FOXP2: variants seen among roughly 807,000 people sequenced by gnomAD.
The protein encoded by FOXP2 is forkhead box P2, also known as forkhead box protein P2.
In FOXP2, 12 loss-of-function variants were observed where a neutral mutation model predicts 115.8. The ratio of observed to expected loss-of-function variants is 0.10; its 90% CI spans 0.07 to 0.17. FOXP2 has a LOEUF of 0.17. Among genes scored for constraint, FOXP2 ranks in the 10% least tolerant of loss-of-function variants. FOXP2 has a pLI of 1.00. For synonymous variants in FOXP2, 328 were observed against 297.7 expected (o/e 1.10, Z -1.05); for missense variants, 629 against 843.5 (o/e 0.75, Z 3.15).
At chr7:114,165,350 C>T (rs1303400318) in intron 1 of FOXP2, among the ~76,000 whole-genome samples, 1 of 152,148 alleles carries the variant, frequency 6.6e-6, no homozygotes, top group Non-Finnish European at 1.5e-5. Flanking sequence ...TCTTCACTTG[C>T]AAATGCCATG....
intron 3 of FOXP2, among the ~76,000 whole-genome samples, chr7:114,572,723 C>A (rs992358864): frequency 2.4e-4 from 37 of 151,906 alleles, no homozygotes; most frequent in African/African-American, 8.7e-4. Context: ...TGCTCTTTAT[C>A]TAAAACTACT....
chr7:114,574,596 C>T (rs977030996), intron 3 of FOXP2, among the ~76,000 whole-genome samples: 5 of 151,800 alleles, frequency 3.3e-5, no homozygotes, highest in Admixed American at 3.3e-4. Context: ...ATTCACTACT[C>T]TCTAACTATA....
At chr7:114,267,978 C>T (rs1795939153) in intron 1 of FOXP2, among the ~76,000 whole-genome samples, 1 of 151,916 alleles carries the variant, frequency 6.6e-6, no homozygotes, top group Non-Finnish European at 1.5e-5. Flanking sequence ...TCTCTCAAGT[C>T]CCTAAAAACC....
At chr7:114,622,902 A>G (rs2129324269) in intron 3 of FOXP2, among the ~76,000 whole-genome samples, 1 of 152,076 alleles carries the variant, frequency 6.6e-6, no homozygotes, top group East Asian at 1.9e-4. Context: ...AAAGATCTTA[A>G]TTCTAGGGAA....
intron 8 of FOXP2, among the ~76,000 whole-genome samples, chr7:114,651,459 G>A (rs1212271687): frequency 1.3e-5 from 2 of 152,010 alleles, no homozygotes; most frequent in Non-Finnish European, 2.9e-5. Context: ...TACTTTTGGT[G>A]TATTAACATA....
chr7:114,192,169 T>TGGACTACAGGCATGCACCACCACACCC (rs1554429049), intron 1 of FOXP2, among the ~76,000 whole-genome samples: 193 of 152,188 alleles, frequency 1.3e-3, no homozygotes, highest in Non-Finnish European at 1.5e-3. Flanking sequence ...GTATTTGTAG[T>TGGACTACAGGCATGCACCACCACACCC]AGAGACGGGG....
At chr7:114,580,863 G>C (rs1486385535) in intron 3 of FOXP2, among the ~76,000 whole-genome samples, 1 of 152,066 alleles carries the variant, frequency 6.6e-6, no homozygotes, top group Non-Finnish European at 1.5e-5. Context: ...CTGAGTTGGA[G>C]ATGATGCATT....
intron 2 of FOXP2, among the ~76,000 whole-genome samples, chr7:114,407,985 T>G (rs1247008802): frequency 5.9e-5 from 9 of 152,190 alleles, no homozygotes; most frequent in Admixed American, 5.9e-4. Context: ...ATACAAAATA[T>G]TTTAATTATC....
At chr7:114,211,224 C>T (rs1053292040) in intron 1 of FOXP2, among the ~76,000 whole-genome samples, 1 of 152,172 alleles carries the variant, frequency 6.6e-6, no homozygotes, top group African/African-American at 2.4e-5. Flanking sequence ...AGGTTTCCTG[C>T]CTTACCAGGG....
intron 2 of FOXP2, among the ~76,000 whole-genome samples, chr7:114,442,307 C>T (rs1326236419): frequency 6.6e-6 from 1 of 150,428 alleles, no homozygotes; most frequent in Non-Finnish European, 1.5e-5. Context: ...TACCTGGGGC[C>T]GGAGGTAAGA....
chr7:114,186,521 C>T (rs1230465011), intron 1 of FOXP2, among the ~76,000 whole-genome samples: 1 of 104,858 alleles, frequency 9.5e-6, no homozygotes, highest in Non-Finnish European at 2.5e-5. Flanking sequence ...GGAATCGGGC[C>T]CCCAAGGCCT....
At chr7:114,253,455 G>A (rs1795510029) in intron 1 of FOXP2, among the ~76,000 whole-genome samples, 1 of 152,134 alleles carries the variant, frequency 6.6e-6, no homozygotes, top group African/African-American at 2.4e-5. Flanking sequence ...CTAAGGACTT[G>A]CTTTATGAAT....
At chr7:114,672,083 G>T (rs1298578582) in intron 16 of FOXP2, among the ~76,000 whole-genome samples, 1 of 152,104 alleles carries the variant, frequency 6.6e-6, no homozygotes, top group African/African-American at 2.4e-5. Flanking sequence ...AACTAACATT[G>T]TTTAGTTTGT....
At chr7:114,087,490 C>T (rs188561591), upstream of FOXP2, among the ~76,000 whole-genome samples, 57 of 152,026 alleles carry the variant, frequency 3.7e-4, no homozygotes, top group Non-Finnish European at 7.5e-4. Flanking sequence ...GTGGGAGGAG[C>T]GCAGACACCT....
At chr7:114,337,765 A>G (rs531238607) in intron 2 of FOXP2, among the ~76,000 whole-genome samples, 1 of 151,282 alleles carries the variant, frequency 6.6e-6, no homozygotes, top group South Asian at 2.1e-4. Context: ...TGGTAAATAG[A>G]TAATCATACA....
chr7:114,342,758 A>G (rs1023229921), intron 2 of FOXP2, among the ~76,000 whole-genome samples: 3 of 151,534 alleles, frequency 2.0e-5, no homozygotes, highest in African/African-American at 7.3e-5. Flanking sequence ...CCTCTATGCC[A>G]ATATTGAAAA....
chr7:114,297,761 GTA>G (rs1796779317), intron 2 of FOXP2, among the ~76,000 whole-genome samples: 1 of 152,156 alleles, frequency 6.6e-6, no homozygotes, highest in African/African-American at 2.4e-5. Context: ...GTCTCCAAAA[GTA>G]TGTGAGGCTG....
chr7:114,604,247 T>A (rs1803187175), intron 3 of FOXP2, among the ~76,000 whole-genome samples: 1 of 152,118 alleles, frequency 6.6e-6, no homozygotes. Flanking sequence ...GGAGCCTTTT[T>A]TATGAGGACA....
chr7:114,137,645 T>A (rs10275846), intron 1 of FOXP2, among the ~76,000 whole-genome samples: 6 of 145,554 alleles, frequency 4.1e-5, no homozygotes, highest in African/African-American at 1.6e-4. Context: ...AAGTTTTCAT[T>A]AAAAAAAATG....
Sources: allele counts gnomAD v4.1 joint callset (sites outside exome capture counted in the v4.1 genomes callset), GRCh38; gene constraint gnomAD v4.1.1; transcripts MANE v1.5; gene names NCBI Gene and HGNC (gene_info 2026-07-23, HGNC 2026-07-21).